The following MS4A4E variants were observed in gnomAD, a reference collection of about 807,000 sequenced individuals.
MS4A4E encodes the protein membrane spanning 4-domains A4E, also known as putative membrane-spanning 4-domains subfamily A member 4E.
In MS4A4E, 23 loss-of-function variants were observed where a neutral mutation model predicts 13.3. That is an observed-to-expected ratio of 1.73 (90% confidence interval 1.25 to 2.45). The LOEUF is 2.45. Among genes scored for constraint, MS4A4E ranks in the 30% most tolerant of loss-of-function variants. The probability of loss-of-function intolerance (pLI) is 0.00; values close to 1 mark genes in which losing one functional copy is unlikely to be tolerated. For synonymous variants in MS4A4E, 36 were observed against 45.6 expected (o/e 0.79, Z 0.85); for missense variants, 144 against 131.2 (o/e 1.10, Z -0.48).
At chr11:60,228,249 A>G (rs58454575) in intron 3 of MS4A4E, among the ~76,000 whole-genome samples, 2 of 152,236 alleles carry the variant, frequency 1.3e-5, no homozygotes, top group African/African-American at 4.8e-5. Flanking sequence ...CAACATTAAG[A>G]ATACTAACAT....
chr11:60,234,239 G>A (rs2084451740), intron 1 of MS4A4E, among the ~76,000 whole-genome samples: 2 of 152,160 alleles, frequency 1.3e-5, no homozygotes, highest in Admixed American at 6.5e-5. Context: ...TCTGGACTTA[G>A]AACTTTAGAC....
chr11:60,222,214 G>A (rs11826561), intron 3 of MS4A4E, among the ~76,000 whole-genome samples: 25 of 152,274 alleles, frequency 1.6e-4, no homozygotes, highest in African/African-American at 5.8e-4. Context: ...TTGGATATGG[G>A]TTTGCCTATC....
intron 1 of MS4A4E, among the ~76,000 whole-genome samples, chr11:60,238,195 T>A (rs2084507869): frequency 6.6e-6 from 1 of 151,924 alleles, no homozygotes; most frequent in Non-Finnish European, 1.5e-5. Context: ...CCTTATGTAA[T>A]AAGTTTGGAA....
intron 5 of MS4A4E, among the ~76,000 whole-genome samples, chr11:60,211,756 T>G (rs949183505): frequency 6.6e-6 from 1 of 152,086 alleles, no homozygotes; most frequent in Non-Finnish European, 1.5e-5. Flanking sequence ...CCACTAAAAA[T>G]ACAAAAATTA....
intron 1 of MS4A4E, among the ~76,000 whole-genome samples, chr11:60,232,324 A>C (rs960550285): frequency 1.8e-5 from 1 of 56,048 alleles, no homozygotes; most frequent in Non-Finnish European, 3.8e-5. Flanking sequence ...CACACACACC[A>C]AAAATGAATA....
intron 1 of MS4A4E, among the ~76,000 whole-genome samples, chr11:60,231,251 AAT>A (rs2084407334): frequency 6.6e-6 from 1 of 152,000 alleles, no homozygotes; most frequent in African/African-American, 2.4e-5. Flanking sequence ...AAAGCAGTAA[AAT>A]AAAAAGTACA....
At chr11:60,239,998 A>C (rs2084528916) in intron 1 of MS4A4E, among the ~76,000 whole-genome samples, 2 of 152,214 alleles carry the variant, frequency 1.3e-5, no homozygotes, top group Non-Finnish European at 2.9e-5. Context: ...AGAAGAGGTA[A>C]TTTTTATTTC....
At chr11:60,228,497 G>T in intron 3 of MS4A4E, 97 bp downstream of exon 3, 1 of 587,410 alleles carries the variant, frequency 1.7e-6, no homozygotes, top group Non-Finnish European at 3.0e-6. Flanking sequence ...ATTGTTGACT[G>T]AAATCTTCAA....
intron 1 of MS4A4E, among the ~76,000 whole-genome samples, chr11:60,232,863 T>C (rs1366589079): frequency 6.6e-6 from 1 of 152,058 alleles, no homozygotes; most frequent in Non-Finnish European, 1.5e-5. Context: ...CGCTATCTAC[T>C]CTCTACTCCC....
intron 3 of MS4A4E, 93 bp from the exon 4 acceptor site, chr11:60,214,707 A>T (rs188303601): frequency 1.3e-6 from 1 of 749,014 alleles, no homozygotes; most frequent in East Asian, 2.9e-5. Flanking sequence ...TTTATTCCAA[A>T]TTAGATAGAT....
rs138735038 is a variant in MS4A4E, at chr11:60,215,414, A to G, written c.179-800T>C. On this transcript the variant is annotated intron_variant, in intron 3 of 8. Coordinates refer to ENST00000651255, the MANE Select transcript of MS4A4E (RefSeq NM_001393391.1). Reference sequence around the variant, plus strand: ...CTACAAAGATTTTTAATATTGAAATATTCTAATATATATAATAAATAAATT... The same window carrying G: ...CTACAAAGATTTTTAATATTGAAATGTTCTAATATATATAATAAATAAATT... 2.6e-4 allele frequency among the ~76,000 whole-genome samples: 40 copies of G among 151,512 alleles called. No homozygotes were observed. The East Asian group carries it at 7.7e-3, about 29-fold the overall frequency.
At chr11:60,204,993 G>A (rs2084022298) in intron 7 of MS4A4E, among the ~76,000 whole-genome samples, 35 bp from the exon 8 acceptor site, 2 of 152,192 alleles carry the variant, frequency 1.3e-5, no homozygotes, top group Non-Finnish European at 2.9e-5. Flanking sequence ...TTGAAAGAAG[G>A]AGGGCCTCAC....
intron 3 of MS4A4E, among the ~76,000 whole-genome samples, chr11:60,216,694 T>C (rs1031908641): frequency 7.9e-5 from 12 of 151,950 alleles, no homozygotes; most frequent in Non-Finnish European, 1.6e-4. Context: ...ATGGTTAATA[T>C]TGAGTGTCAA....
At chr11:60,206,440 T>C (rs57081791) in intron 6 of MS4A4E, among the ~76,000 whole-genome samples, 1,779 of 139,988 alleles carry the variant, frequency 0.013, 50 homozygotes, top group African/African-American at 0.046. Flanking sequence ...GGGGAAAAAA[T>C]GAGAACAAAA....
intron 5 of MS4A4E, among the ~76,000 whole-genome samples, chr11:60,210,555 G>A (rs1252214320): frequency 6.6e-6 from 1 of 152,196 alleles, no homozygotes; most frequent in Non-Finnish European, 1.5e-5. Flanking sequence ...GATTCCGGGT[G>A]GTAGACTCTA....
Position 60,225,275 on chromosome 11 carries a change from T to C in MS4A4E, c.178+3319A>G, listed in dbSNP as rs551773584. Among the ~76,000 whole-genome samples, 31 of 152,320 alleles carry C rather than the reference T, an allele frequency of 2.0e-4. 1 individual carries two copies. In the South Asian group the frequency reaches 6.4e-3, roughly 32 times the overall value. ...TGAATATTATCTTACCAATATTATC[T>C]CTCAGCATCTCTACCACTGTCAATC... On this transcript the variant is annotated intron_variant, in intron 3 of 8. Transcript: ENST00000651255.
chr11:60,208,352 C>A (rs146798163), intron 6 of MS4A4E, among the ~76,000 whole-genome samples: 6 of 152,072 alleles, frequency 3.9e-5, no homozygotes, highest in African/African-American at 1.4e-4. Context: ...AAATTAATTC[C>A]GCCACATTCA....
intron 3 of MS4A4E, among the ~76,000 whole-genome samples, chr11:60,219,480 G>A (rs939909749): frequency 2.6e-5 from 4 of 152,124 alleles, no homozygotes; most frequent in South Asian, 2.1e-4. Context: ...GAAGCTTACC[G>A]AATTCTTACT....
At chr11:60,214,539 C>T (rs2084165889) in intron 4 of MS4A4E, 32 bp downstream of exon 4, 2 of 1,458,712 alleles carry the variant, frequency 1.4e-6, no homozygotes, top group African/African-American at 1.4e-5. Flanking sequence ...TTAATCCTTT[C>T]CTTTTGATAC....
Sources: gnomAD v4.1 joint callset for allele counts (sites outside exome capture counted in the v4.1 genomes callset) on GRCh38, gnomAD v4.1.1 for gene constraint, MANE v1.5 for transcripts, NCBI Gene and HGNC (gene_info 2026-07-23, HGNC 2026-07-21) for gene names.